Variants in INPP5A observed in about 807,000 individuals in gnomAD.
INPP5A encodes the protein inositol polyphosphate-5-phosphatase A.
In INPP5A, 14 loss-of-function variants were observed where a neutral mutation model predicts 65.2. The observed-to-expected ratio is 0.21, with a 90% CI of 0.14 to 0.34. The LOEUF is 0.34. Among genes scored for constraint, INPP5A ranks in the 10% least tolerant of loss-of-function variants. The probability of loss-of-function intolerance (pLI) is 1.00; values close to 1 mark genes in which losing one functional copy is unlikely to be tolerated. For synonymous variants in INPP5A, 207 were observed against 208.3 expected, an observed-to-expected ratio of 0.99 and a Z score of 0.05; for missense variants, 431 against 545.6, an observed-to-expected ratio of 0.79 and a Z score of 2.09.
chr10:132,740,047 C>T (rs556416180), intron 9 of INPP5A, among the ~76,000 whole-genome samples: 4 of 152,196 alleles, frequency 2.6e-5, no homozygotes, highest in Non-Finnish European at 4.4e-5. Context: ...GCCTGTGAAG[C>T]GATTGGCTGG....
intron 2 of INPP5A, among the ~76,000 whole-genome samples, chr10:132,628,004 G>T (rs777089033): frequency 3.9e-5 from 6 of 152,164 alleles, no homozygotes; most frequent in Non-Finnish European, 5.9e-5. Flanking sequence ...TGCCCAGGAG[G>T]GTGTTTACAG....
intron 9 of INPP5A, among the ~76,000 whole-genome samples, chr10:132,730,345 C>A (rs1006396550): frequency 6.6e-6 from 1 of 152,236 alleles, no homozygotes; most frequent in African/African-American, 2.4e-5. Flanking sequence ...GTGGGCGAGT[C>A]GGGTGACAGA....
At chr10:132,567,177 G>T (rs547455842) in intron 1 of INPP5A, among the ~76,000 whole-genome samples, 1 of 152,346 alleles carries the variant, frequency 6.6e-6, no homozygotes, top group South Asian at 2.1e-4. Context: ...CCACCCTCCT[G>T]TGCAGGTGAC....
rs1050758042 is a variant in INPP5A, at chr10:132,753,383, A to G, written c.903+3538A>G. On this transcript the variant is annotated intron_variant, in intron 11 of 15. Transcript: ENST00000368594. This position sits in a 1 kb window ranked among gnomAD's most constrained non-coding sequence, Gnocchi z 5.3. ...CCGGTCGCAGCCCCAAGTCCATTGCATCCTTCATCAACCGCCGGTCTTGTA... is the reference window on the plus strand; with the variant it reads ...CCGGTCGCAGCCCCAAGTCCATTGCGTCCTTCATCAACCGCCGGTCTTGTA... 5.9e-5 allele frequency among the ~76,000 whole-genome samples: 9 copies of G among 152,290 alleles called. No homozygotes were observed. Among genetic ancestry groups the G allele is most frequent in the Admixed American group, 6.5e-5 (1 of 15,302 alleles).
chr10:132,727,014 C>A lies in INPP5A; in HGVS notation c.732+109C>A. On this transcript the variant is annotated intron_variant, in intron 9 of 15. Transcript: ENST00000368594. The surrounding 1 kb of genome is among the most constrained non-coding windows in gnomAD (Gnocchi z 6.5). ...GGCACTTTCAATGCCATCCGCCTCC[C>A]GGGATGCACTTTTTAAGGCAAAACC... is the stretch of plus-strand genomic sequence containing the variant. 2 of 658,248 alleles carry A rather than the reference C, an allele frequency of 3.0e-6. No homozygotes were observed. Among genetic ancestry groups the A allele is most frequent in the East Asian group, 2.8e-5 (1 of 35,288 alleles). The allele number at this position is 658,248 out of a possible 1,614,324, so 40.8% of individuals were successfully genotyped here.
rs550480013 is a variant in INPP5A at position 132,547,234 on chromosome 10, G to A, written c.75+9063G>A. 2.0e-5 allele frequency among the ~76,000 whole-genome samples: 3 copies of A among 152,370 alleles called. No homozygotes were observed. Among genetic ancestry groups the A allele is most frequent in the East Asian group, 3.9e-4 (2 of 5,178 alleles). ...GAGTAGGAATCCCACCTTGCATGGT[G>A]GCTCAGGGTGGTCAGGGAGGGCGTG... On this transcript the variant is annotated intron_variant, in intron 1 of 15. Coordinates refer to ENST00000368594, the MANE Select transcript of INPP5A (RefSeq NM_005539.5). The surrounding 1 kb of genome is among the most constrained non-coding windows in gnomAD (Gnocchi z 5.5).
At chr10:132,738,759 C>T (rs1046372186) in intron 9 of INPP5A, among the ~76,000 whole-genome samples, 2 of 152,184 alleles carry the variant, frequency 1.3e-5, no homozygotes, top group Non-Finnish European at 2.9e-5. Flanking sequence ...TCTGGGTGGC[C>T]GTTGACAATG....
intron 1 of INPP5A, among the ~76,000 whole-genome samples, chr10:132,593,192 A>G (rs1015596828): frequency 2.9e-4 from 44 of 152,124 alleles, no homozygotes; most frequent in Non-Finnish European, 1.2e-4. Context: ...GAGCTTCATT[A>G]TGTCTGCCTG....
chr10:132,596,912 TGCATGTGTGC>T (rs1564928915), intron 1 of INPP5A, among the ~76,000 whole-genome samples: 5 of 53,190 alleles, frequency 9.4e-5, no homozygotes, highest in South Asian at 2.3e-3. Flanking sequence ...TGTGCATGTG[TGCATGTGTGC>T]GCGCATGTGC....
At chr10:132,764,938 G>A (rs188522370) in intron 11 of INPP5A, among the ~76,000 whole-genome samples, 341 of 145,680 alleles carry the variant, frequency 2.3e-3, no homozygotes, top group Non-Finnish European at 4.0e-3. Flanking sequence ...GAGGGTGTGC[G>A]TGGTGACACT....
intron 2 of INPP5A, among the ~76,000 whole-genome samples, chr10:132,615,967 G>A (rs959809689): frequency 6.6e-6 from 1 of 152,186 alleles, no homozygotes; most frequent in African/African-American, 2.4e-5. Flanking sequence ...GGCACCTGAG[G>A]CCCTGGGCCT....
intron 1 of INPP5A, among the ~76,000 whole-genome samples, chr10:132,569,735 CT>C (rs1564919494): frequency 6.6e-6 from 1 of 150,996 alleles, no homozygotes; most frequent in African/African-American, 2.4e-5. Context: ...AACTCCTGAC[CT>C]CAGGTGATCC....
In INPP5A at chr10:132,555,741, C is replaced by CACA. The variant is rs2071117548; in HGVS notation, c.75+17574_75+17576dup. 6.6e-6 allele frequency among the ~76,000 whole-genome samples: 1 copy of CACA among 152,156 alleles called. No individual in the cohort carries two copies. The highest frequency in any genetic ancestry group is 2.1e-4 in the South Asian group (1 of 4,832). The stretch of plus-strand genomic sequence containing the variant: ...TTTCGTGCAGAGTGACCCAGACAGG[C>CACA]ACAACACTGACACACCTTGTCACAC... On this transcript the variant is annotated intron_variant, in intron 1 of 15. Transcript: ENST00000368594. The surrounding 1 kb of genome is among the most constrained non-coding windows in gnomAD (Gnocchi z 4.4).
intron 4 of INPP5A, among the ~76,000 whole-genome samples, chr10:132,685,665 C>T (rs2073105942): frequency 6.6e-6 from 1 of 152,232 alleles, no homozygotes; most frequent in Non-Finnish European, 1.5e-5. Flanking sequence ...AGCCTCTGCC[C>T]CGGCCTGAGT....
chr10:132,670,262 C>T (rs1253080233), intron 4 of INPP5A, among the ~76,000 whole-genome samples: 18 of 111,764 alleles, frequency 1.6e-4, no homozygotes, highest in South Asian at 7.3e-4. Flanking sequence ...TGACCCCACA[C>T]CCCTGACCCC....
chr10:132,621,330 T>A (rs1357327629), intron 2 of INPP5A, among the ~76,000 whole-genome samples: 1 of 152,178 alleles, frequency 6.6e-6, no homozygotes, highest in Non-Finnish European at 1.5e-5. Flanking sequence ...TCTCAACCAA[T>A]TTAGAAATTT....
At chr10:132,748,944 C>A (rs1320149180) in intron 9 of INPP5A, among the ~76,000 whole-genome samples, 1 of 152,224 alleles carries the variant, frequency 6.6e-6, no homozygotes, top group Admixed American at 6.5e-5. Context: ...TGCCTCTGGG[C>A]CCCTGCCCAC....
Position 132,547,978 on chromosome 10 carries a change from C to T in INPP5A, c.75+9807C>T, listed in dbSNP as rs1338632990. ...ACAATGGCGTGATCTCACCTCACTG[C>T]GACCTCCGCCTCCCAGGTTCAAGCA... On this transcript the variant is annotated intron_variant, in intron 1 of 15. Transcript: ENST00000368594. This position sits in a 1 kb window ranked among gnomAD's most constrained non-coding sequence, Gnocchi z 5.5. Among the ~76,000 whole-genome samples, 2 of 151,952 alleles carry T rather than the reference C, an allele frequency of 1.3e-5. No individual in the cohort carries two copies. Among genetic ancestry groups the T allele is most frequent in the African/African-American group, 2.4e-5 (1 of 41,338 alleles).
At chr10:132,548,841 G>A (rs1355862940) in intron 1 of INPP5A, among the ~76,000 whole-genome samples, 1 of 140,652 alleles carries the variant, frequency 7.1e-6, no homozygotes, top group Non-Finnish European at 1.5e-5. Context: ...CTTCCACCTA[G>A]GCTGGAGTGC....
Sources: gnomAD v4.1 joint callset for allele counts (sites outside exome capture counted in the v4.1 genomes callset) on GRCh38, gnomAD v4.1.1 for gene constraint, Gnocchi (gnomAD v3.1) non-coding constraint, MANE v1.5 for transcripts, NCBI Gene and HGNC (gene_info 2026-07-23, HGNC 2026-07-21) for gene names.